The following CSMD3 variants were observed in gnomAD, a reference collection of about 807,000 sequenced individuals.
CSMD3 encodes CUB and Sushi multiple domains 3, also known as CUB and sushi domain-containing protein 3.
Under a neutral mutation model 435.2 loss-of-function variants are expected in CSMD3, and 177 were observed. The ratio of observed to expected loss-of-function variants is 0.41; its 90% CI spans 0.36 to 0.46. CSMD3 has a LOEUF of 0.46. Ranked by LOEUF, CSMD3 falls within the 20% of genes least tolerant of loss-of-function variation. The pLI is 0.34. For missense variants in CSMD3, 4,265 were observed against 4,504.6 expected (o/e 0.95, Z 1.52); for synonymous variants, 1,656 against 1,520.5 (o/e 1.09, Z -2.07).
chr8:112,358,904 T>C (rs1317220908), intron 38 of CSMD3, among the ~76,000 whole-genome samples: 1 of 152,090 alleles, frequency 6.6e-6, no homozygotes, highest in African/African-American at 2.4e-5. Flanking sequence ...CCCCTAAATC[T>C]AAAATAAAAG....
At chr8:113,122,311 T>A (rs999011066) in intron 4 of CSMD3, among the ~76,000 whole-genome samples, 3 of 152,084 alleles carry the variant, frequency 2.0e-5, no homozygotes, top group Admixed American at 2.0e-4. Flanking sequence ...AATTACACTA[T>A]GAAAAAGTAG....
In CSMD3 at chr8:113,173,869, C is replaced by T; in HGVS notation, c.562G>A (p.Val188Ile). The change falls in exon 4 of 71, where the codon GTA becomes ATA. Residue 188 changes from valine (V) to isoleucine (I), a missense_variant. Physicochemically the swap from Val to Ile is conservative, Grantham distance 29 (BLOSUM62 3). Transcript: ENST00000297405. ...CGNPGVPPKG[V>I]LYGTRFDVGD... ...ACGTCGAATCTTGTGCCATATAATA[C>T]ACCTTTGGGTGGAACACCAGGATTT... 6.2e-7 allele frequency: 1 copy of T among 1,613,888 alleles called. No individual in the cohort carries two copies. The highest frequency in any genetic ancestry group is 8.5e-7 in the Non-Finnish European group (1 of 1,179,870).
chr8:113,025,242 T>A (rs182475643), intron 5 of CSMD3, among the ~76,000 whole-genome samples: 8 of 152,214 alleles, frequency 5.3e-5, no homozygotes, highest in African/African-American at 1.7e-4. Flanking sequence ...CCTTTCCGAT[T>A]TTATGTGGTA....
intron 27 of CSMD3, among the ~76,000 whole-genome samples, chr8:112,549,089 C>A (rs1369619310): frequency 6.6e-6 from 1 of 151,978 alleles, no homozygotes; most frequent in Non-Finnish European, 1.5e-5. Flanking sequence ...GCTTGAGACA[C>A]CTTTCCATAT....
chr8:113,089,774 G>C (rs527745429), intron 5 of CSMD3, among the ~76,000 whole-genome samples: 2 of 152,130 alleles, frequency 1.3e-5, no homozygotes, highest in East Asian at 3.9e-4. Context: ...CTCCTCCCAA[G>C]AGTCTGTCTG....
At chr8:112,393,798 A>G (rs1160201093) in intron 35 of CSMD3, among the ~76,000 whole-genome samples, 1 of 152,124 alleles carries the variant, frequency 6.6e-6, no homozygotes, top group East Asian at 1.9e-4. Flanking sequence ...CTCACTGTTG[A>G]TCACTCCATC....
rs1380409150 is a variant in CSMD3, at chr8:112,341,648, T to C, written c.6481A>G (p.Ile2161Val). The C allele has an allele frequency of 3.1e-6, 5 of 1,612,890 alleles. No homozygotes were observed. In the African/African-American group the frequency reaches 4.0e-5, roughly 13 times the overall value. ...LQFVNFSTET[I>V]HDYLEVRSGS... ...CTTCGTACTTCCAAATAATCATGTATGGTTTCTGTAGAAAAATTTACAAAC... is the reference window on the plus strand; with the variant it reads ...CTTCGTACTTCCAAATAATCATGTACGGTTTCTGTAGAAAAATTTACAAAC... Residue 2161 changes from isoleucine to valine, a missense_variant, in exon 42 of 71, where the codon ATA becomes GTA. By Grantham distance (29) the Ile-to-Val change is conservative. Around this residue, in one of 3 missense-constraint regions of CSMD3, gnomAD observed 3,255 missense variants for 3,380.2 expected, o/e 0.96. Coordinates refer to ENST00000297405, the MANE Select transcript of CSMD3 (RefSeq NM_198123.2).
intron 19 of CSMD3, among the ~76,000 whole-genome samples, chr8:112,648,716 A>G (rs1311340023): frequency 2.6e-5 from 4 of 152,118 alleles, no homozygotes; most frequent in Non-Finnish European, 5.9e-5. Flanking sequence ...TGCGCTTGCC[A>G]TTACTTTTTA....
chr8:112,483,787 C>T (rs570237947), intron 31 of CSMD3, among the ~76,000 whole-genome samples: 3 of 152,258 alleles, frequency 2.0e-5, no homozygotes, highest in South Asian at 4.2e-4. Flanking sequence ...TAGTAGTTTG[C>T]CAAACTGCTC....
intron 32 of CSMD3, among the ~76,000 whole-genome samples, chr8:112,470,468 G>T (rs978985203): frequency 6.6e-6 from 1 of 152,024 alleles, no homozygotes; most frequent in Non-Finnish European, 1.5e-5. Context: ...ATTTATCATT[G>T]CTACTTTAGA....
intron 28 of CSMD3, among the ~76,000 whole-genome samples, chr8:112,508,064 T>C (rs1168057506): frequency 1.3e-5 from 2 of 152,162 alleles, no homozygotes; most frequent in East Asian, 3.9e-4. Flanking sequence ...AATCCCAGGA[T>C]AGAGTCCCTC....
At chr8:113,236,370 C>T (rs2093149382) in intron 3 of CSMD3, among the ~76,000 whole-genome samples, 1 of 152,194 alleles carries the variant, frequency 6.6e-6, no homozygotes, top group Admixed American at 6.5e-5. Context: ...TCTTTGCTTA[C>T]TCTTACTTTG....
chr8:113,188,185 T>A (rs1229379021), intron 3 of CSMD3, among the ~76,000 whole-genome samples: 2 of 152,034 alleles, frequency 1.3e-5, no homozygotes, highest in Non-Finnish European at 2.9e-5. Flanking sequence ...TATTTTGCCT[T>A]TTATTGTTTC....
intron 16 of CSMD3, among the ~76,000 whole-genome samples, chr8:112,668,337 A>G (rs1039914662): frequency 1.3e-5 from 2 of 152,142 alleles, no homozygotes; most frequent in African/African-American, 4.8e-5. Flanking sequence ...GAAAGCCCCA[A>G]AATACAGAGT....
chr8:112,779,957 A>C, intron 13 of CSMD3, among the ~76,000 whole-genome samples: 1 of 152,096 alleles, frequency 6.6e-6, no homozygotes, highest in East Asian at 1.9e-4. Context: ...CTAATATTTC[A>C]CTAATGTTTC....
At chr8:112,449,397 G>A (rs554588102) in intron 32 of CSMD3, among the ~76,000 whole-genome samples, 23 of 152,248 alleles carry the variant, frequency 1.5e-4, no homozygotes, top group African/African-American at 4.3e-4. Flanking sequence ...ATAGAAGAGC[G>A]TTGAGTTGTG....
Position 113,068,965 on chromosome 8 carries a change from A to G in CSMD3, c.917+29791T>C, listed in dbSNP as rs575871816. Among the ~76,000 whole-genome samples the G allele has an allele frequency of 1.4e-4, 22 of 152,194 alleles. No individual in the cohort carries two copies. In the South Asian group the frequency reaches 4.1e-3, roughly 29 times the overall value. ...TGTGAGTCTCACTATTTAATTCTGT[A>G]TAAGGATAAACAGGTAAGGAAACAG... On this transcript the variant is annotated intron_variant, in intron 5 of 70. Coordinates refer to ENST00000297405, the MANE Select transcript of CSMD3 (RefSeq NM_198123.2).
intron 31 of CSMD3, among the ~76,000 whole-genome samples, chr8:112,486,243 C>T (rs1429879024): frequency 1.3e-5 from 2 of 151,592 alleles, no homozygotes; most frequent in Non-Finnish European, 2.9e-5. Flanking sequence ...TTAAAATATT[C>T]CAGGCACTCT....
chr8:112,656,455 A>T (rs2075260149), intron 17 of CSMD3, 114 bp from the exon 18 acceptor site: 2 of 715,782 alleles, frequency 2.8e-6, no homozygotes, highest in African/African-American at 3.6e-5. Flanking sequence ...TTATATTATA[A>T]TTTTCTTTAG....
Sources: gnomAD v4.1 joint callset for allele counts (sites outside exome capture counted in the v4.1 genomes callset) on GRCh38, gnomAD v4.1.1 for gene constraint, gnomAD v4.1.1 regional missense constraint, MANE v1.5 for transcripts, NCBI Gene and HGNC (gene_info 2026-07-23, HGNC 2026-07-21) for gene names.